Variants in SEC24D observed in about 807,000 individuals in gnomAD.
SEC24D encodes the protein SEC24 homolog D, COPII component.
A neutral mutation model predicts 116.9 loss-of-function variants in SEC24D; 69 were observed. That is an observed-to-expected ratio of 0.59 (90% confidence interval 0.49 to 0.72). The LOEUF is 0.72. Among genes scored for constraint, SEC24D ranks in the 30% least tolerant of loss-of-function variants. The pLI is 0.00. For synonymous variants in SEC24D, 405 were observed against 442.8 expected (o/e 0.91, Z 1.07); for missense variants, 1,131 against 1,264.1 (o/e 0.89, Z 1.60).
chr4:118,833,711 TC>T lies in SEC24D; in HGVS notation c.-16del. Reference sequence around the variant, plus strand: ...TGTTGACTCATTATGAAAATATCATTCCATAGGATAATTCTACAAAAGAAGT... The same window carrying T: ...TGTTGACTCATTATGAAAATATCATTCATAGGATAATTCTACAAAAGAAGT... On this transcript the variant is annotated 5_prime_UTR_variant, in exon 2 of 23. The change abolishes the stop of an existing upstream ORF in the 5' untranslated region. Coordinates refer to ENST00000280551, the MANE Select transcript of SEC24D (RefSeq NM_014822.4). 6.4e-7 allele frequency: 1 copy of T among 1,555,080 alleles called. No individual in the cohort carries two copies. Among genetic ancestry groups the T allele is most frequent in the Non-Finnish European group, 8.8e-7 (1 of 1,131,212 alleles).
In SEC24D at chr4:118,723,670, A is replaced by G. The variant is rs775048547; in HGVS notation, c.2959-15T>C. ...ACAATTGTGAGCTAGGAAAAAAAAA[A>G]CAAAACAGTAACAGCCCCTGGTTAT... On this transcript the variant is annotated splice_polypyrimidine_tract_variant and intron_variant, in intron 22 of 22. Transcript: ENST00000280551. 3.8e-6 allele frequency: 6 copies of G among 1,591,620 alleles called. No individual in the cohort carries two copies. In the Admixed American group the frequency reaches 1.1e-4, roughly 29 times the overall value.
In SEC24D at chr4:118,796,909, C is replaced by T. The variant is rs545095595; in HGVS notation, c.1041+774G>A. Among the ~76,000 whole-genome samples, 4 of 152,348 alleles carry T rather than the reference C, an allele frequency of 2.6e-5. No homozygotes were observed. In the East Asian group the frequency reaches 5.8e-4, roughly 22 times the overall value. ...AAGAGGAATCTGTGGTTCGGCCTAG[C>T]TTACCTGGATACTACAATGGGTTAT... is the stretch of plus-strand genomic sequence containing the variant. On this transcript the variant is annotated intron_variant, in intron 8 of 22. Transcript: ENST00000280551.
intron 14 of SEC24D, 133 bp from the exon 15 acceptor site, chr4:118,744,291 G>A: frequency 1.1e-6 from 1 of 914,550 alleles, no homozygotes; most frequent in Non-Finnish European, 1.6e-6. Context: ...AAGTGAACTG[G>A]GCTGAAGAAA....
At chr4:118,787,816 A>G (rs1261045382) in intron 8 of SEC24D, among the ~76,000 whole-genome samples, 1 of 152,150 alleles carries the variant, frequency 6.6e-6, no homozygotes, top group Non-Finnish European at 1.5e-5. Flanking sequence ...CAATAAATAA[A>G]TAATGAAATA....
At position 118,824,625 on chromosome 4, in the gene SEC24D, G is replaced by T. The variant is rs760843420; in HGVS notation, c.243C>A (p.Pro81=). 5 of 1,599,584 alleles carry T rather than the reference G, an allele frequency of 3.1e-6. No homozygotes were observed. Among genetic ancestry groups the T allele is most frequent in the Admixed American group, 1.8e-5 (1 of 55,696 alleles). The change falls in exon 3 of 23, where the codon CCC becomes CCA. Residue 81 remains proline (P), a synonymous_variant. Transcript: ENST00000280551. ...QNGAHATGHP[P]QRFPGPPPVN... is the part of the protein sequence containing the mutation. The stretch of plus-strand genomic sequence containing the variant: ...TTGGAATCTACCTAGCTCACCTTTG[G>T]GGAGGGTGACCAGTGGCATGAGCTC...
At chr4:118,792,734 C>T (rs563325030) in intron 8 of SEC24D, among the ~76,000 whole-genome samples, 1 of 152,058 alleles carries the variant, frequency 6.6e-6, no homozygotes, top group Non-Finnish European at 1.5e-5. Context: ...ATCTCAAGTA[C>T]CCAGGGACAC....
chr4:118,814,047 T>C (rs1458692557), intron 6 of SEC24D, among the ~76,000 whole-genome samples: 1 of 152,230 alleles, frequency 6.6e-6, no homozygotes, highest in Non-Finnish European at 1.5e-5. Flanking sequence ...TGGTAGCTTT[T>C]CCTGCTCCTT....
intron 4 of SEC24D, 142 bp downstream of exon 4, chr4:118,817,122 T>C: frequency 1.5e-6 from 1 of 676,246 alleles, no homozygotes; most frequent in Non-Finnish European, 2.5e-6. Context: ...ATAAGATAGA[T>C]GCTTTATTAT....
intron 19 of SEC24D, among the ~76,000 whole-genome samples, chr4:118,737,191 G>A (rs1161643308): frequency 6.6e-6 from 1 of 152,332 alleles, no homozygotes; most frequent in East Asian, 1.9e-4. Flanking sequence ...GGTGGGCTTT[G>A]TGTAACCTGA....
chr4:118,738,088 A>T (rs1429578242), intron 19 of SEC24D, 173 bp downstream of exon 19: 1 of 520,914 alleles, frequency 1.9e-6, no homozygotes, highest in Non-Finnish European at 3.5e-6. Context: ...AATGTTGGCT[A>T]TAAAAAAAAA....
chr4:118,734,720 A>G (rs956615257), intron 19 of SEC24D, among the ~76,000 whole-genome samples: 1 of 152,204 alleles, frequency 6.6e-6, no homozygotes, highest in African/African-American at 2.4e-5. Context: ...TCTACTTTGC[A>G]GTTTGTTTCC....
At chr4:118,829,269 T>G (rs1031344234) in intron 2 of SEC24D, among the ~76,000 whole-genome samples, 15 of 152,138 alleles carry the variant, frequency 9.9e-5, no homozygotes, top group Non-Finnish European at 2.9e-5. Context: ...TTTCAGCACT[T>G]TGGGAGGCCA....
intron 6 of SEC24D, among the ~76,000 whole-genome samples, chr4:118,810,104 GT>G (rs1308520249): frequency 3.4e-5 from 5 of 147,728 alleles, no homozygotes; most frequent in East Asian, 2.0e-4. Flanking sequence ...GTGTGTGTGT[GT>G]GTGTGTGTGT....
intron 8 of SEC24D, among the ~76,000 whole-genome samples, chr4:118,789,793 C>T (rs189453883): frequency 1.6e-3 from 242 of 152,228 alleles, no homozygotes; most frequent in African/African-American, 5.5e-3. Context: ...ACCATGTTAG[C>T]CAGGATGGTC....
chr4:118,815,014 A>C lies in SEC24D; in HGVS notation c.801+14T>G, dbSNP rs140825034. ...CTTTGTGAGTGAGACTGTGAGAGTGAGAAGAGTACTTACTGGGCTAGGGAT... is the reference window on the plus strand; with the variant it reads ...CTTTGTGAGTGAGACTGTGAGAGTGCGAAGAGTACTTACTGGGCTAGGGAT... On this transcript the variant is annotated intron_variant, in intron 6 of 22. Coordinates refer to ENST00000280551, the MANE Select transcript of SEC24D (RefSeq NM_014822.4). 3.4e-5 allele frequency: 55 copies of C among 1,611,996 alleles called. No homozygotes were observed. In the African/African-American group the frequency reaches 7.1e-4, roughly 21 times the overall value.
chr4:118,793,452 GC>G (rs1729032792), intron 8 of SEC24D, among the ~76,000 whole-genome samples: 1 of 134,786 alleles, frequency 7.4e-6, no homozygotes, highest in Non-Finnish European at 1.6e-5. Context: ...GGGCGACAGA[GC>G]GAGACTCCGT....
chr4:118,795,874 A>C (rs1446631343), intron 8 of SEC24D, among the ~76,000 whole-genome samples: 1 of 152,222 alleles, frequency 6.6e-6, no homozygotes, highest in Admixed American at 6.5e-5. Flanking sequence ...ACAGTTGTCA[A>C]AACTCAATAA....
At chr4:118,772,973 T>C (rs1158613339) in intron 8 of SEC24D, among the ~76,000 whole-genome samples, 1 of 152,120 alleles carries the variant, frequency 6.6e-6, no homozygotes, top group African/African-American at 2.4e-5. Flanking sequence ...TCTTCTCTCA[T>C]TGGTCCACTA....
intron 9 of SEC24D, among the ~76,000 whole-genome samples, chr4:118,765,483 TAAG>T (rs1015008628): frequency 6.6e-6 from 1 of 152,200 alleles, no homozygotes; most frequent in African/African-American, 2.4e-5. Flanking sequence ...TTCAAATGTC[TAAG>T]AAGGTTAGTT....
Sources: allele counts gnomAD v4.1 joint callset (sites outside exome capture counted in the v4.1 genomes callset), GRCh38; gene constraint gnomAD v4.1.1; transcripts MANE v1.5; gene names NCBI Gene and HGNC (gene_info 2026-07-23, HGNC 2026-07-21).